Variants in CUL3 observed in about 807,000 individuals in gnomAD.
CUL3 encodes the protein cullin 3.
Under a neutral mutation model 89.1 loss-of-function variants are expected in CUL3, and 19 were observed. The observed-to-expected ratio is 0.21, with a 90% CI of 0.15 to 0.31. CUL3 has a LOEUF of 0.31. CUL3 is among the 10% of genes least tolerant of loss of function. The pLI is 1.00. For missense variants in CUL3, 469 were observed against 942.3 expected (o/e 0.50, Z 6.58); for synonymous variants, 351 against 308.4 (o/e 1.14, Z -1.45).
intron 1 of CUL3, among the ~76,000 whole-genome samples, chr2:224,558,484 T>C (rs1284444103): frequency 1.3e-5 from 2 of 152,162 alleles, no homozygotes; most frequent in African/African-American, 4.8e-5. Flanking sequence ...ATTCCCATCA[T>C]ATTCACACAC....
At chr2:224,584,708 C>T (rs1327749592) in intron 1 of CUL3, among the ~76,000 whole-genome samples, 1 of 149,034 alleles carries the variant, frequency 6.7e-6, no homozygotes, top group Non-Finnish European at 1.5e-5. Flanking sequence ...GAGCAGCTCC[C>T]GGACGGGGGC....
intron 1 of CUL3, among the ~76,000 whole-genome samples, chr2:224,584,520 G>A (rs943777758): frequency 6.6e-6 from 1 of 152,004 alleles, no homozygotes; most frequent in Non-Finnish European, 1.5e-5. Flanking sequence ...AGCTAGGCTG[G>A]GTAAATTTTC....
intron 13 of CUL3, among the ~76,000 whole-genome samples, chr2:224,492,987 G>A (rs774523579): frequency 6.6e-6 from 1 of 152,062 alleles, no homozygotes; most frequent in Non-Finnish European, 1.5e-5. Flanking sequence ...ACAACATCCA[G>A]AACAAATTTG....
chr2:224,491,162 T>C (rs1008768628), intron 13 of CUL3, among the ~76,000 whole-genome samples: 2 of 152,176 alleles, frequency 1.3e-5, no homozygotes, highest in African/African-American at 2.4e-5. Context: ...GAGTTTTATT[T>C]AAAAATATAT....
At chr2:224,480,614 T>C (rs990994904) in intron 14 of CUL3, among the ~76,000 whole-genome samples, 6 of 152,174 alleles carry the variant, frequency 3.9e-5, no homozygotes, top group Non-Finnish European at 8.8e-5. Flanking sequence ...TCTGATATTA[T>C]TATTGCTGGA....
chr2:224,476,638 C>G (rs766983825), intron 15 of CUL3, among the ~76,000 whole-genome samples: 3 of 152,180 alleles, frequency 2.0e-5, no homozygotes, highest in South Asian at 2.1e-4. Context: ...CCCCTGCACC[C>G]TGCCCTAGGT....
chr2:224,498,908 C>T (rs988488359), intron 11 of CUL3, among the ~76,000 whole-genome samples: 2 of 152,134 alleles, frequency 1.3e-5, no homozygotes, highest in African/African-American at 4.8e-5. Context: ...AAAATGAAAG[C>T]AACTGGCTAT....
chr2:224,550,985 C>T (rs945706984), intron 2 of CUL3, among the ~76,000 whole-genome samples: 1 of 152,054 alleles, frequency 6.6e-6, no homozygotes, highest in Non-Finnish European at 1.5e-5. Context: ...TGTCCCATTC[C>T]TCTCCATTAC....
Position 224,527,266 on chromosome 2 carries a change from G to A in CUL3, c.378+8262C>T, listed in dbSNP as rs184343327. ...TCTATCTGTGCTTTTCCAGAATATA[G>A]TTATTTTCAAAATTCTCTAAATGTG... On this transcript the variant is annotated intron_variant, in intron 3 of 15. Transcript: ENST00000264414. Among the ~76,000 whole-genome samples, 19 of 152,304 alleles carry A rather than the reference G, an allele frequency of 1.2e-4. No individual in the cohort carries two copies. The East Asian group carries it at 3.3e-3, about 26-fold the overall frequency.
rs75505894 is a variant in CUL3 at position 224,535,254 on chromosome 2, T to C, written c.378+274A>G. Among the ~76,000 whole-genome samples the C allele has an allele frequency of 9.1e-3, 1,380 of 152,256 alleles. 7 individuals carry two copies. The highest frequency in any genetic ancestry group is 0.015 in the Non-Finnish European group (1,049 of 68,012). Reference sequence around the variant, plus strand: ...CAAGTGAGAGTGCAGTGGCACGATCTTGGCTCACCCCCCGGTTCAAGCGAT... The same window carrying C: ...CAAGTGAGAGTGCAGTGGCACGATCCTGGCTCACCCCCCGGTTCAAGCGAT... On this transcript the variant is annotated intron_variant, in intron 3 of 15. Transcript: ENST00000264414.
At chr2:224,514,846 TAAAG>T in intron 3 of CUL3, 74 bp from the exon 4 acceptor site, 2 of 1,057,946 alleles carry the variant, frequency 1.9e-6, no homozygotes. Context: ...CAATAACAAA[TAAAG>T]GAAATAAAAT....
intron 2 of CUL3, among the ~76,000 whole-genome samples, chr2:224,540,424 G>T (rs1694059926): frequency 6.6e-6 from 1 of 151,728 alleles, no homozygotes; most frequent in Admixed American, 6.6e-5. Context: ...AGGGAGGGAG[G>T]GAAGAAGGAA....
At chr2:224,547,363 C>T (rs914826329) in intron 2 of CUL3, among the ~76,000 whole-genome samples, 8 of 152,146 alleles carry the variant, frequency 5.3e-5, no homozygotes, top group African/African-American at 1.7e-4. Flanking sequence ...TATCTCACTA[C>T]GCTCATACCT....
At position 224,565,015 on chromosome 2, in the gene CUL3, G is replaced by A. The variant is rs1197316615; in HGVS notation, c.67-7159C>T. Among the ~76,000 whole-genome samples the A allele has an allele frequency of 2.6e-5, 4 of 152,036 alleles. No homozygotes were observed. The East Asian group carries it at 7.7e-4, about 29-fold the overall frequency. On this transcript the variant is annotated intron_variant, in intron 1 of 15. Transcript: ENST00000264414. ...TAACCCCAAGGTATTTCTCAAATAT[G>A]TTCCCATTTTTTCATCCCGAATACA...
intron 3 of CUL3, among the ~76,000 whole-genome samples, chr2:224,530,984 A>C (rs1413023537): frequency 6.6e-6 from 1 of 152,196 alleles, no homozygotes; most frequent in Non-Finnish European, 1.5e-5. Flanking sequence ...CTAGAACACT[A>C]CACATAAAAA....
At chr2:224,548,485 CT>C (rs572198028) in intron 2 of CUL3, among the ~76,000 whole-genome samples, 12 of 152,056 alleles carry the variant, frequency 7.9e-5, no homozygotes, top group African/African-American at 1.2e-4. Flanking sequence ...TAAATGTTAA[CT>C]TTTTTTTGTT....
At position 224,568,772 on chromosome 2, in the gene CUL3, C is replaced by T. The variant is rs115005644; in HGVS notation, c.67-10916G>A. On this transcript the variant is annotated intron_variant, in intron 1 of 15. Transcript: ENST00000264414. ...CCTTCAGAAGCAGATCAATAAGCTA[C>T]AATCTTTCCCTAAATCAAATAAGTC... Among the ~76,000 whole-genome samples the T allele has an allele frequency of 6.0e-3, 921 of 152,270 alleles. 6 individuals carry two copies. The highest frequency in any genetic ancestry group is 0.021 in the African/African-American group (856 of 41,558).
chr2:224,550,094 T>C (rs1694458070), intron 2 of CUL3, among the ~76,000 whole-genome samples: 1 of 152,184 alleles, frequency 6.6e-6, no homozygotes, highest in South Asian at 2.1e-4. Flanking sequence ...TCTCTGTGAC[T>C]TCATTTACTT....
chr2:224,503,613 C>A, intron 9 of CUL3, 39 bp downstream of exon 9: 2 of 1,477,112 alleles, frequency 1.4e-6, no homozygotes, highest in South Asian at 1.4e-5. Context: ...TAATAAACCT[C>A]AGTTAGGTGC....
Sources: gnomAD v4.1 joint callset for allele counts (sites outside exome capture counted in the v4.1 genomes callset) on GRCh38, gnomAD v4.1.1 for gene constraint, MANE v1.5 for transcripts, NCBI Gene and HGNC (gene_info 2026-07-23, HGNC 2026-07-21) for gene names.